TOP2B: variants seen among roughly 807,000 people sequenced by gnomAD.
TOP2B encodes DNA topoisomerase II beta.
In TOP2B, 51 loss-of-function variants were observed where a neutral mutation model predicts 193.5. That is an observed-to-expected ratio of 0.26 (90% CI 0.21 to 0.33). The LOEUF (loss-of-function observed/expected upper bound fraction) is 0.33, where lower values mean the gene tolerates loss of function less well. TOP2B is among the 10% of genes least tolerant of loss of function. TOP2B has a pLI of 1.00. For synonymous variants in TOP2B, 634 were observed against 635.7 expected, an observed-to-expected ratio of 1.00 and a Z score of 0.04; for missense variants, 1,378 against 1,909.3, an observed-to-expected ratio of 0.72 and a Z score of 5.19.
chr3:25,626,112 A>C (rs1245877954), intron 18 of TOP2B, among the ~76,000 whole-genome samples: 1 of 152,180 alleles, frequency 6.6e-6, no homozygotes, highest in Non-Finnish European at 1.5e-5. Context: ...ACTAACGAGA[A>C]ATAGTTTCTA....
intron 3 of TOP2B, 55 bp from the exon 4 acceptor site, chr3:25,642,440 T>C: frequency 1.8e-6 from 2 of 1,097,430 alleles, no homozygotes; most frequent in Non-Finnish European, 2.7e-6. Flanking sequence ...AATAAATACA[T>C]GGACACAACT....
chr3:25,645,032 G>A (rs1207969773), intron 2 of TOP2B, among the ~76,000 whole-genome samples: 2 of 151,280 alleles, frequency 1.3e-5, no homozygotes, highest in South Asian at 2.1e-4. Flanking sequence ...GGATGGTTTC[G>A]ATCTCCTGAC....
chr3:25,600,998 A>C lies in TOP2B; in HGVS notation c.4615+102T>G, dbSNP rs1441538485. 3.0e-6 allele frequency: 4 copies of C among 1,323,296 alleles called. No homozygotes were observed. The African/African-American group carries it at 5.9e-5, about 19-fold the overall frequency. The allele number at this position is 1,323,296 out of a possible 1,614,324, so 82.0% of individuals were successfully genotyped here. ...CTTACTGAGGAGTAAAGCAATTTAA[A>C]ACAAAATAGATACCTAGCCTCTCTA... On this transcript the variant is annotated intron_variant, in intron 34 of 35. Coordinates refer to ENST00000264331, the MANE Select transcript of TOP2B (RefSeq NM_001330700.2).
At chr3:25,619,772 C>T (rs574046961) in intron 23 of TOP2B, 90 bp downstream of exon 23, 1 of 759,368 alleles carries the variant, frequency 1.3e-6, no homozygotes, top group Admixed American at 2.7e-5. Context: ...TTCAGGCTTA[C>T]TATAGCCACT....
At position 25,606,125 on chromosome 3, in the gene TOP2B, A is replaced by G. The variant is rs375378160; in HGVS notation, c.4299-3T>C. On this transcript the variant is annotated splice_region_variant and splice_polypyrimidine_tract_variant and intron_variant, in intron 31 of 35. Coordinates refer to ENST00000264331, the MANE Select transcript of TOP2B (RefSeq NM_001330700.2). ...TTTTTTTGTCATGCAAAGATTTTCTATTAGAAAGAAAATAAACACCACAGA... is the reference window on the plus strand; with the variant it reads ...TTTTTTTGTCATGCAAAGATTTTCTGTTAGAAAGAAAATAAACACCACAGA... The G allele has an allele frequency of 1.2e-4, 170 of 1,438,592 alleles. No individual in the cohort carries two copies. In the African/African-American group the frequency reaches 2.0e-3, roughly 17 times the overall value. The allele number at this position is 1,438,592 out of a possible 1,614,324, so 89.1% of individuals were successfully genotyped here.
At chr3:25,627,146 G>C (rs780153682) in intron 16 of TOP2B, 41 bp downstream of exon 16, 4 of 1,377,910 alleles carry the variant, frequency 2.9e-6, no homozygotes, top group Admixed American at 3.8e-5. Flanking sequence ...AGAAGGTAGG[G>C]GGATGGCTAA....
Position 25,633,893 on chromosome 3 carries a change from C to T in TOP2B, c.974G>A (p.Ser325Asn). 1 of 1,612,760 alleles carries T rather than the reference C, an allele frequency of 6.2e-7. No homozygotes were observed. The highest frequency in any genetic ancestry group is 8.5e-7 in the Non-Finnish European group (1 of 1,179,242). Residue 325 changes from serine (S) to asparagine (N), a missense_variant, in exon 8 of 36, where the codon AGT (serine) becomes AAT (asparagine). This residue lies in a region of TOP2B where 222 missense variants were observed against 306.6 expected (regional missense o/e 0.72). Transcript: ENST00000264331. The stretch of plus-strand genomic sequence containing the variant: ...GCTGATTTGCTGGAATCCTTTTTCA[C>T]TCAATGTGAGACAAACATCCCATCT... The part of the protein sequence containing the change: ...NERWDVCLTL[S>N]EKGFQQISFV...
rs576552400 is a variant in TOP2B at position 25,622,639 on chromosome 3, A to AT, written c.2727+875dup. 4.6e-3 allele frequency among the ~76,000 whole-genome samples: 611 copies of AT among 133,758 alleles called. 1 individual carries two copies. Among genetic ancestry groups the AT allele is most frequent in the Middle Eastern group, 0.015 (4 of 260 alleles). The allele number at this position is 133,758 out of a possible 152,430, so 87.8% of individuals were successfully genotyped here. A position where few individuals can be genotyped will look rare whatever the true frequency, so the allele number is the denominator to read the frequency against. ...CAACAAACATAAAAAAAAAATGGGGATTTTTTTTTTTTTTTTTGGGAGACG... is the reference window on the plus strand; with the variant it reads ...CAACAAACATAAAAAAAAAATGGGGATTTTTTTTTTTTTTTTTTGGGAGACG... On this transcript the variant is annotated intron_variant, in intron 21 of 35. Transcript: ENST00000264331.
chr3:25,605,587 C>T (rs1702217040), intron 32 of TOP2B, among the ~76,000 whole-genome samples: 1 of 151,942 alleles, frequency 6.6e-6, no homozygotes, highest in Non-Finnish European at 1.5e-5. Context: ...AAAAAAAATA[C>T]GAAACAAGAA....
Position 25,632,598 on chromosome 3 carries a change from C to T in TOP2B, c.1129-15G>A. 1 of 1,598,742 alleles carries T rather than the reference C, an allele frequency of 6.3e-7. No individual in the cohort carries two copies. Among genetic ancestry groups the T allele is most frequent in the East Asian group, 2.2e-5 (1 of 44,676 alleles). On this transcript the variant is annotated splice_polypyrimidine_tract_variant and intron_variant, in intron 9 of 35. Transcript: ENST00000264331. Reference sequence around the variant, plus strand: ...TGGTTTTTTACCTGTTGAAAACATACCCAAAAAAGTCAATATCAGAGCTGA... The same window carrying T: ...TGGTTTTTTACCTGTTGAAAACATATCCAAAAAAGTCAATATCAGAGCTGA...
intron 1 of TOP2B, among the ~76,000 whole-genome samples, chr3:25,648,257 G>C (rs1703466461): frequency 1.3e-5 from 2 of 152,160 alleles, no homozygotes; most frequent in African/African-American, 4.8e-5. Flanking sequence ...TGGAGCTCCA[G>C]TACTGTAGTT....
intron 27 of TOP2B, among the ~76,000 whole-genome samples, chr3:25,613,498 G>A (rs901878953): frequency 2.0e-5 from 3 of 152,258 alleles, no homozygotes; most frequent in African/African-American, 7.2e-5. Flanking sequence ...TTGTGAGGCT[G>A]AGGTAGGTGG....
intron 21 of TOP2B, among the ~76,000 whole-genome samples, chr3:25,622,441 T>C (rs1451061781): frequency 6.6e-6 from 1 of 152,146 alleles, no homozygotes; most frequent in African/African-American, 2.4e-5. Context: ...ATATTGTCTC[T>C]ATATTGTGGG....
rs753548384 is a variant in TOP2B at position 25,624,700 on chromosome 3, C to A, written c.2328G>T (p.Ser776=). ...AQLAGSVAEM[S]AYHHGEQALM... Reference sequence around the variant, plus strand: ...TGCTTACTTCTCCATGATGATAAGCCGACATCTCAGCAACAGAGCCAGCCA... The same window carrying A: ...TGCTTACTTCTCCATGATGATAAGCAGACATCTCAGCAACAGAGCCAGCCA... Residue 776 remains serine (S), a synonymous_variant, in exon 19 of 36, where the codon TCG becomes TCT. Coordinates refer to ENST00000264331, the MANE Select transcript of TOP2B (RefSeq NM_001330700.2). The A allele has an allele frequency of 8.2e-5, 133 of 1,613,582 alleles. No individual in the cohort carries two copies. The Admixed American group carries it at 2.2e-3, about 26-fold the overall frequency.
rs1321961705 is a variant in TOP2B, at chr3:25,599,525, T to C, written c.4620A>G (p.Lys1540=). 1 of 1,611,818 alleles carries C rather than the reference T, an allele frequency of 6.2e-7. No individual in the cohort carries two copies. The highest frequency in any genetic ancestry group is 8.5e-7 in the Non-Finnish European group (1 of 1,178,858). ...CTTTCCTTTTCTTTGCCCCTCGGCCTTTACCTTAAAATGATACAAAAGGTT... is the reference window on the plus strand; with the variant it reads ...CTTTCCTTTTCTTTGCCCCTCGGCCCTTACCTTAAAATGATACAAAAGGTT... ...IPKKTTTPKG[K]GRGAKKRKAS... is the part of the protein sequence containing the mutation. Residue 1540 remains lysine, a synonymous_variant, in exon 35 of 36, where the codon AAA becomes AAG. Coordinates refer to ENST00000264331, the MANE Select transcript of TOP2B (RefSeq NM_001330700.2).
chr3:25,634,797 ACC>A (rs1491290455), intron 7 of TOP2B, among the ~76,000 whole-genome samples: 5,308 of 122,560 alleles, frequency 0.043, 325 homozygotes, highest in Middle Eastern at 0.058. Flanking sequence ...AAAAAAAAAA[ACC>A]AAAAAAAGGC....
intron 15 of TOP2B, among the ~76,000 whole-genome samples, chr3:25,628,600 C>T (rs1414355624): frequency 6.6e-6 from 1 of 152,036 alleles, no homozygotes; most frequent in Non-Finnish European, 1.5e-5. Flanking sequence ...GAAGTTTTTT[C>T]AAACTAATGG....
At chr3:25,633,234 C>T (rs1031802218) in intron 8 of TOP2B, among the ~76,000 whole-genome samples, 3 of 152,084 alleles carry the variant, frequency 2.0e-5, no homozygotes, top group Admixed American at 6.6e-5. Context: ...ATGACCCACT[C>T]CTCAGGAATG....
chr3:25,630,379 C>T lies in TOP2B; in HGVS notation c.1496G>A (p.Arg499Gln), dbSNP rs866352076. ...GAGTGGAAAAACTCCGTATCTGTCTCGTCCAATCACACCTAATCCAGACAC... is the reference window on the plus strand; with the variant it reads ...GAGTGGAAAAACTCCGTATCTGTCTTGTCCAATCACACCTAATCCAGACAC... ...LAVSGLGVIGRDRYGVFPLRG... is the reference protein window; with the variant it reads ...LAVSGLGVIGQDRYGVFPLRG... Residue 499 changes from arginine (R) to glutamine (Q), a missense_variant, in exon 12 of 36, where the codon CGA becomes CAA. Physicochemically the swap from Arg to Gln is conservative, Grantham distance 43. Transcript: ENST00000264331. 2 of 1,551,654 alleles carry T rather than the reference C, an allele frequency of 1.3e-6. No individual in the cohort carries two copies. The highest frequency in any genetic ancestry group is 1.4e-5 in the African/African-American group (1 of 73,134).
Sources: allele counts gnomAD v4.1 joint callset (sites outside exome capture counted in the v4.1 genomes callset), GRCh38; gene constraint gnomAD v4.1.1; regional missense constraint gnomAD v4.1.1; transcripts MANE v1.5; gene names NCBI Gene and HGNC (gene_info 2026-07-23, HGNC 2026-07-21).